Variants in HGSNAT observed in about 807,000 individuals in gnomAD.
HGSNAT encodes the protein transmembrane protein 76.
Under a neutral mutation model 85.2 loss-of-function variants are expected in HGSNAT, and 59 were observed. The ratio of observed to expected loss-of-function variants is 0.69; its 90% CI spans 0.56 to 0.86. The LOEUF is 0.86. HGSNAT is among the 40% of genes least tolerant of loss of function. The probability of loss-of-function intolerance (pLI) is 0.00; values close to 1 mark genes in which losing one functional copy is unlikely to be tolerated. For missense variants in HGSNAT, 756 were observed against 777.1 expected (o/e 0.97, Z 0.32); for synonymous variants, 321 against 304.5 (o/e 1.05, Z -0.56).
intron 14 of HGSNAT, among the ~76,000 whole-genome samples, chr8:43,195,263 G>T (rs930728919): frequency 1.9e-4 from 29 of 152,072 alleles, no homozygotes; most frequent in Non-Finnish European, 3.7e-4. Context: ...CTAATAGCCT[G>T]CTGTGGACCC....
At chr8:43,140,671 C>G in intron 1 of HGSNAT, 57 bp downstream of exon 1, 1 of 881,666 alleles carries the variant, frequency 1.1e-6, no homozygotes, top group Non-Finnish European at 1.5e-6. Context: ...GTCTCCTCTC[C>G]GCGGCGCCGC....
chr8:43,143,017 A>G (rs1463099700), intron 1 of HGSNAT, among the ~76,000 whole-genome samples: 1 of 152,230 alleles, frequency 6.6e-6, no homozygotes, highest in African/African-American at 2.4e-5. Context: ...GAAAAAGTCT[A>G]CAGAGAGTGA....
intron 1 of HGSNAT, among the ~76,000 whole-genome samples, chr8:43,143,195 A>G (rs1201154154): frequency 6.6e-6 from 1 of 152,264 alleles, no homozygotes; most frequent in African/African-American, 2.4e-5. Flanking sequence ...TGGTTAAATA[A>G]ATAAATGATT....
chr8:43,190,094 GT>G (rs1443384219), intron 11 of HGSNAT, among the ~76,000 whole-genome samples: 1 of 152,188 alleles, frequency 6.6e-6, no homozygotes, highest in Non-Finnish European at 1.5e-5. Flanking sequence ...GCATGGGAGA[GT>G]GATGGTATTG....
At chr8:43,191,624 G>A (rs1475503209) in intron 12 of HGSNAT, 29 bp downstream of exon 12, 1 of 1,609,832 alleles carries the variant, frequency 6.2e-7, no homozygotes, top group African/African-American at 1.3e-5. Context: ...GTCATCCCTT[G>A]TGCATGTCCT....
At chr8:43,183,789 C>T (rs1377971338) in intron 11 of HGSNAT, among the ~76,000 whole-genome samples, 2 of 152,138 alleles carry the variant, frequency 1.3e-5, no homozygotes, top group Middle Eastern at 3.2e-3. Context: ...TCCCCTTTCC[C>T]CCTGCCCCAC....
chr8:43,158,859 A>G, intron 3 of HGSNAT, 64 bp from the exon 4 acceptor site: 1 of 1,551,408 alleles, frequency 6.4e-7, no homozygotes, highest in East Asian at 2.3e-5. Flanking sequence ...CCATGATATT[A>G]GCAAAATCCA....
intron 11 of HGSNAT, among the ~76,000 whole-genome samples, chr8:43,187,095 G>A (rs1804342470): frequency 6.6e-6 from 1 of 152,158 alleles, no homozygotes; most frequent in South Asian, 2.1e-4. Context: ...GTGCAATGTG[G>A]TGCTGAGAAG....
chr8:43,149,553 A>G (rs1202175440), intron 2 of HGSNAT, among the ~76,000 whole-genome samples: 1 of 152,020 alleles, frequency 6.6e-6, no homozygotes, highest in Non-Finnish European at 1.5e-5. Context: ...ACGAAAAGTT[A>G]GCCAGGCATG....
At chr8:43,159,454 G>A (rs1302130166) in intron 4 of HGSNAT, among the ~76,000 whole-genome samples, 4 of 152,076 alleles carry the variant, frequency 2.6e-5, no homozygotes, top group Admixed American at 1.3e-4. Context: ...TGGGCCTGGC[G>A]ATGCGTGCCT....
At chr8:43,166,984 T>C (rs936457641) in intron 5 of HGSNAT, among the ~76,000 whole-genome samples, 2 of 152,122 alleles carry the variant, frequency 1.3e-5, no homozygotes, top group East Asian at 1.9e-4. Flanking sequence ...AAGGCTTCAG[T>C]GGAGGAAATA....
Position 43,158,788 on chromosome 8 carries a change from C to T in HGSNAT, c.371+77C>T, listed in dbSNP as rs913290902. 3.3e-6 allele frequency: 5 copies of T among 1,515,872 alleles called. No individual in the cohort carries two copies. The Admixed American group carries it at 6.7e-5, about 20-fold the overall frequency. The allele number at this position is 1,515,872 out of a possible 1,614,324, so 93.9% of individuals were successfully genotyped here. Reference sequence around the variant, plus strand: ...CTATTTTGGTTTTAGCTTTTTTTCTCTTTACAGTATTTTTCTTTATCTTTT... The same window carrying T: ...CTATTTTGGTTTTAGCTTTTTTTCTTTTTACAGTATTTTTCTTTATCTTTT... On this transcript the variant is annotated intron_variant, in intron 3 of 17. Coordinates refer to ENST00000379644, the MANE Select transcript of HGSNAT (RefSeq NM_152419.3).
intron 7 of HGSNAT, among the ~76,000 whole-genome samples, chr8:43,171,441 T>C (rs560700186): frequency 5.1e-4 from 77 of 152,306 alleles, no homozygotes; most frequent in African/African-American, 1.7e-3. Context: ...TTTAATCTCT[T>C]AGTAATCCTA....
intron 5 of HGSNAT, among the ~76,000 whole-genome samples, chr8:43,162,041 G>A (rs187323262): frequency 1.3e-5 from 2 of 152,238 alleles, no homozygotes; most frequent in African/African-American, 2.4e-5. Context: ...GCTCTGCGTG[G>A]TGAATAGCGA....
chr8:43,179,185 C>T (rs1182281887), intron 10 of HGSNAT, among the ~76,000 whole-genome samples: 4 of 150,554 alleles, frequency 2.7e-5, no homozygotes, highest in African/African-American at 9.8e-5. Context: ...CCAGTAGGGG[C>T]GGCCGGGCAG....
chr8:43,147,175 GAAAC>G, intron 2 of HGSNAT, 112 bp downstream of exon 2: 1 of 629,904 alleles, frequency 1.6e-6, no homozygotes, highest in Non-Finnish European at 2.7e-6. Context: ...TGCAGCTAAA[GAAAC>G]AAAGAAGCTA....
chr8:43,159,555 T>G (rs1803202811), intron 4 of HGSNAT, among the ~76,000 whole-genome samples: 1 of 152,204 alleles, frequency 6.6e-6, no homozygotes, highest in Admixed American at 6.5e-5. Flanking sequence ...ACCACTGCAC[T>G]GCAACCTGGG....
chr8:43,156,344 C>G (rs972029537), intron 2 of HGSNAT, among the ~76,000 whole-genome samples: 1 of 151,760 alleles, frequency 6.6e-6, no homozygotes, highest in Non-Finnish European at 1.5e-5. Context: ...CTCACTCTTT[C>G]GCCCAGGCTG....
chr8:43,147,802 C>A (rs1802764945), intron 2 of HGSNAT, among the ~76,000 whole-genome samples: 1 of 152,144 alleles, frequency 6.6e-6, no homozygotes, highest in Admixed American at 6.6e-5. Flanking sequence ...CTGAGTAGTA[C>A]CTATAGGGCT....
Sources: gnomAD v4.1 joint callset for allele counts (sites outside exome capture counted in the v4.1 genomes callset) on GRCh38, gnomAD v4.1.1 for gene constraint, MANE v1.5 for transcripts, NCBI Gene and HGNC (gene_info 2026-07-23, HGNC 2026-07-21) for gene names.